Variants in CCSER1 observed in about 807,000 individuals in gnomAD.
CCSER1 encodes the protein serine-rich coiled-coil domain-containing protein 1.
A neutral mutation model predicts 82.0 loss-of-function variants in CCSER1; 41 were observed. The ratio of observed to expected loss-of-function variants is 0.50; its 90% CI spans 0.39 to 0.65. The LOEUF (loss-of-function observed/expected upper bound fraction) is 0.65. Ranked by LOEUF, CCSER1 falls within the 30% of genes least tolerant of loss-of-function variation. CCSER1 has a pLI of 0.00. For synonymous variants in CCSER1, 414 were observed against 383.9 expected (o/e 1.08, Z -0.92); for missense variants, 1,119 against 1,064.2 (o/e 1.05, Z -0.72).
At chr4:91,495,895 G>A (rs1922225) in intron 10 of CCSER1, among the ~76,000 whole-genome samples, 2 of 151,444 alleles carry the variant, frequency 1.3e-5, no homozygotes, top group Admixed American at 1.3e-4. Flanking sequence ...AAATACTTTA[G>A]GTTTATGCAT....
intron 10 of CCSER1, among the ~76,000 whole-genome samples, chr4:91,118,773 C>T (rs1726844924): frequency 6.6e-6 from 1 of 152,180 alleles, no homozygotes; most frequent in South Asian, 2.1e-4. Flanking sequence ...TAACTTGCAA[C>T]TTTCTCAATG....
chr4:90,483,455 T>G (rs1281803915), intron 5 of CCSER1, among the ~76,000 whole-genome samples: 4 of 152,198 alleles, frequency 2.6e-5, no homozygotes, highest in Non-Finnish European at 5.9e-5. Context: ...TTGATGCAGT[T>G]TCTTCCTAGC....
In CCSER1 at chr4:90,838,379, A is replaced by G. The variant is rs1580715620; in HGVS notation, c.2094+22534A>G. ...TAAATTGTGTAAATATGTAAATTGA[A>G]TGAACTGTTTTCTACTGTTATGTAC... On this transcript the variant is annotated intron_variant, in intron 8 of 10. Transcript: ENST00000509176. Among the ~76,000 whole-genome samples the G allele has an allele frequency of 2.0e-5, 3 of 151,822 alleles. No individual in the cohort carries two copies. In the Middle Eastern group the frequency reaches 0.01, roughly 524 times the overall value.
intron 5 of CCSER1, among the ~76,000 whole-genome samples, chr4:90,535,062 A>G (rs929095926): frequency 6.6e-6 from 1 of 152,218 alleles, no homozygotes; most frequent in African/African-American, 2.4e-5. Flanking sequence ...CAGGAATAGG[A>G]AGAAAATAAA....
At chr4:91,243,106 C>T (rs1739496651) in intron 10 of CCSER1, among the ~76,000 whole-genome samples, 1 of 152,162 alleles carries the variant, frequency 6.6e-6, no homozygotes, top group Admixed American at 6.5e-5. Flanking sequence ...GAGAGGGAGA[C>T]TGTGGTGACC....
chr4:90,303,598 A>G (rs559837075), intron 1 of CCSER1, among the ~76,000 whole-genome samples: 4 of 151,936 alleles, frequency 2.6e-5, no homozygotes, highest in African/African-American at 9.7e-5. Flanking sequence ...GGCTAGCCAC[A>G]TGTAGAAAGC....
At chr4:90,647,638 A>G (rs1354449758) in intron 6 of CCSER1, among the ~76,000 whole-genome samples, 2 of 152,174 alleles carry the variant, frequency 1.3e-5, no homozygotes, top group Non-Finnish European at 2.9e-5. Context: ...TTGACAATTA[A>G]AAAAATAGTA....
chr4:90,397,031 A>G (rs930847310), intron 3 of CCSER1, among the ~76,000 whole-genome samples: 1 of 152,110 alleles, frequency 6.6e-6, no homozygotes, highest in Non-Finnish European at 1.5e-5. Context: ...TTATGAATTC[A>G]CCATTGATTA....
intron 8 of CCSER1, among the ~76,000 whole-genome samples, chr4:90,818,831 A>G (rs537059533): frequency 6.6e-5 from 10 of 152,266 alleles, no homozygotes; most frequent in South Asian, 2.1e-4. Flanking sequence ...GTAGTCCCCA[A>G]TGAAATGGTA....
At chr4:90,271,826 TTATA>T (rs1189309598) in intron 1 of CCSER1, among the ~76,000 whole-genome samples, 990 of 42,828 alleles carry the variant, frequency 0.023, 50 homozygotes, top group Non-Finnish European at 0.033. Context: ...ACTGGACAAT[TTATA>T]TATATATATA....
In CCSER1 at chr4:90,279,616, AT is replaced by A. The variant is rs1034183448; in HGVS notation, c.-41-28621del. 1.2e-4 allele frequency among the ~76,000 whole-genome samples: 18 copies of A among 151,926 alleles called. 1 individual carries two copies. The highest frequency in any genetic ancestry group is 2.2e-4 in the Non-Finnish European group (15 of 67,930). ...GCTTCTCGCTGCACTGTTTTCCAGC[AT>A]TTTTTTCTCATTGTGTGCAAGTAGC... On this transcript the variant is annotated intron_variant, in intron 1 of 10. Transcript: ENST00000509176.
chr4:91,438,626 G>T (rs1208076012), intron 10 of CCSER1, among the ~76,000 whole-genome samples: 2 of 152,200 alleles, frequency 1.3e-5, no homozygotes, highest in Non-Finnish European at 2.9e-5. Flanking sequence ...GAACAAAGCT[G>T]GATGGAGAAT....
At chr4:91,090,067 G>A (rs1723791703) in intron 10 of CCSER1, among the ~76,000 whole-genome samples, 1 of 152,176 alleles carries the variant, frequency 6.6e-6, no homozygotes, top group Non-Finnish European at 1.5e-5. Flanking sequence ...GCATGAAGAT[G>A]GGGGTCCGAT....
At chr4:90,835,655 C>T (rs1247374624) in intron 8 of CCSER1, among the ~76,000 whole-genome samples, 1 of 152,056 alleles carries the variant, frequency 6.6e-6, no homozygotes, top group African/African-American at 2.4e-5. Context: ...TCATCGATAA[C>T]ATCTAATGCT....
chr4:91,003,521 A>G (rs962214073), intron 9 of CCSER1, among the ~76,000 whole-genome samples: 1 of 152,072 alleles, frequency 6.6e-6, no homozygotes, highest in Non-Finnish European at 1.5e-5. Context: ...CAGCAGTCAC[A>G]GGCCTCACCC....
At chr4:90,163,716 C>A (rs987700560) in intron 1 of CCSER1, among the ~76,000 whole-genome samples, 6 of 151,882 alleles carry the variant, frequency 4.0e-5, no homozygotes, top group African/African-American at 1.5e-4. Flanking sequence ...ACTAAGATGT[C>A]AAGGAAATGA....
chr4:91,216,584 T>C (rs1021653946), intron 10 of CCSER1, among the ~76,000 whole-genome samples: 10 of 152,152 alleles, frequency 6.6e-5, no homozygotes, highest in Non-Finnish European at 1.0e-4. Flanking sequence ...CCTCCCAAAG[T>C]GCTGGGATTA....
intron 10 of CCSER1, among the ~76,000 whole-genome samples, chr4:91,418,051 A>G (rs1311609074): frequency 3.3e-5 from 5 of 152,074 alleles, no homozygotes; most frequent in Non-Finnish European, 5.9e-5. Flanking sequence ...TTGAAACATA[A>G]CTTACCAGAA....
intron 3 of CCSER1, among the ~76,000 whole-genome samples, chr4:90,393,637 G>C (rs1004325925): frequency 2.0e-5 from 3 of 152,048 alleles, no homozygotes; most frequent in Admixed American, 1.3e-4. Context: ...AAATATAACA[G>C]TATAGATATG....
Sources: gnomAD v4.1 joint callset for allele counts (sites outside exome capture counted in the v4.1 genomes callset) on GRCh38, gnomAD v4.1.1 for gene constraint, MANE v1.5 for transcripts, NCBI Gene and HGNC (gene_info 2026-07-23, HGNC 2026-07-21) for gene names.